RADIL: variants seen among roughly 807,000 people sequenced by gnomAD.
RADIL encodes the protein Rap associating with DIL domain.
Under a neutral mutation model 97.6 loss-of-function variants are expected in RADIL, and 99 were observed. The observed-to-expected ratio is 1.01, with a 90% CI of 0.86 to 1.20. RADIL has a LOEUF of 1.20. Among genes scored for constraint, RADIL ranks in the 50% most tolerant of loss-of-function variants. The pLI is 0.00. For missense variants in RADIL, 1,765 were observed against 1,498.9 expected (o/e 1.18, Z -2.93); for synonymous variants, 803 against 691.8 (o/e 1.16, Z -2.52).
rs562999894 is a variant in RADIL at position 4,821,474 on chromosome 7, G to A, written c.1615+920C>T. On this transcript the variant is annotated intron_variant, in intron 6 of 14. Coordinates refer to ENST00000399583, the MANE Select transcript of RADIL (RefSeq NM_018059.5). This position sits in a 1 kb window ranked among gnomAD's most constrained non-coding sequence, Gnocchi z 5.2. ...AAATCCTACCCCGGCTTCCGGGCCC[G>A]GCCCCATGCCACCTTCCTCTCGAAG... Among the ~76,000 whole-genome samples, 17 of 152,288 alleles carry A rather than the reference G, an allele frequency of 1.1e-4. No individual in the cohort carries two copies. Among genetic ancestry groups the A allele is most frequent in the African/African-American group, 2.9e-4 (12 of 41,564 alleles).
At chr7:4,850,216 TAA>T (rs34276261) in intron 2 of RADIL, among the ~76,000 whole-genome samples, 2,816 of 88,058 alleles carry the variant, frequency 0.032, 129 homozygotes, top group African/African-American at 0.11. Context: ...ACGATCCCTT[TAA>T]AAAAAAAAAA....
rs1783415205 is a variant in RADIL, at chr7:4,840,614, G to C, written c.536-4009C>G. On this transcript the variant is annotated intron_variant, in intron 2 of 14. Coordinates refer to ENST00000399583, the MANE Select transcript of RADIL (RefSeq NM_018059.5). The surrounding 1 kb of genome is among the most constrained non-coding windows in gnomAD (Gnocchi z 5.6). ...ACAGGGTCACCCCAGGGGCCCTTAT[G>C]CTACCAATGGGAGATTCCGCCAACA... 6.6e-6 allele frequency among the ~76,000 whole-genome samples: 1 copy of C among 152,170 alleles called. No homozygotes were observed. Among genetic ancestry groups the C allele is most frequent in the South Asian group, 2.1e-4 (1 of 4,834 alleles).
At chr7:4,868,757 G>A (rs1402252839) in intron 2 of RADIL, among the ~76,000 whole-genome samples, 1 of 152,162 alleles carries the variant, frequency 6.6e-6, no homozygotes, top group Admixed American at 6.5e-5. Context: ...CTTGGTCAAA[G>A]AAAAATTTTG....
At position 4,879,280 on chromosome 7, in the gene RADIL, C is replaced by G. The variant is rs777113334; in HGVS notation, c.-64-1077G>C. On this transcript the variant is annotated intron_variant, in intron 1 of 14. Transcript: ENST00000399583. The surrounding 1 kb of genome is among the most constrained non-coding windows in gnomAD (Gnocchi z 4.1). The stretch of plus-strand genomic sequence containing the variant: ...CACACTTCTAATGTCCGTAGCGTGC[C>G]CAGGGCCAGGAGTTCCAGATGGTTT... Among the ~76,000 whole-genome samples the G allele has an allele frequency of 6.6e-6, 1 of 152,206 alleles. No individual in the cohort carries two copies. Among genetic ancestry groups the G allele is most frequent in the African/African-American group, 2.4e-5 (1 of 41,454 alleles).
intron 2 of RADIL, among the ~76,000 whole-genome samples, chr7:4,855,930 G>C (rs1184470465): frequency 6.6e-6 from 1 of 151,768 alleles, no homozygotes; most frequent in Admixed American, 6.6e-5. Flanking sequence ...CAAGCAGCTA[G>C]GATTACAGGT....
At chr7:4,844,814 G>C (rs968310547) in intron 2 of RADIL, among the ~76,000 whole-genome samples, 1 of 152,064 alleles carries the variant, frequency 6.6e-6, no homozygotes, top group African/African-American at 2.4e-5. Flanking sequence ...ATTCTGCCCA[G>C]GCTGGCCGCA....
rs778894375 is a variant in RADIL, at chr7:4,800,224, C to A, written c.2929G>T (p.Val977Leu). 7 of 1,605,076 alleles carry A rather than the reference C, an allele frequency of 4.4e-6. No individual in the cohort carries two copies. The highest frequency in any genetic ancestry group is 5.9e-6 in the Non-Finnish European group (7 of 1,176,944). The change falls in exon 13 of 15, where the codon GTG becomes TTG. Residue 977 changes from valine (V) to leucine (L), a missense_variant. Physicochemically the swap from Val to Leu is conservative, Grantham distance 32. Transcript: ENST00000399583. ...CCGGAGGGGCCTCGTTCCAGCTCCA[C>A]CGTGAAGACGTAGCAGAAGTCCTCG... ...STEDFCYVFT[V>L]ELERGPSGLG... is the part of the protein sequence containing the mutation.
rs137943646 is a variant in RADIL, at chr7:4,800,233, C to T, written c.2920G>A (p.Val974Ile). 8.2e-4 allele frequency: 1,313 copies of T among 1,601,388 alleles called. 6 individuals carry two copies. In the African/African-American group the frequency reaches 0.015, roughly 18 times the overall value. ...CCTCGTTCCAGCTCCACCGTGAAGA[C>T]GTAGCAGAAGTCCTCGGTGCTGGAG... ...RSSSTEDFCY[V>I]FTVELERGPS... The change falls in exon 13 of 15, where the codon GTC (valine) becomes ATC (isoleucine). Residue 974 changes from valine (V) to isoleucine (I), a missense_variant. Coordinates refer to ENST00000399583, the MANE Select transcript of RADIL (RefSeq NM_018059.5).
intron 2 of RADIL, among the ~76,000 whole-genome samples, chr7:4,875,609 C>T (rs1583329319): frequency 6.6e-6 from 1 of 152,232 alleles, no homozygotes; most frequent in South Asian, 2.1e-4. Flanking sequence ...CCGTGCTCTG[C>T]AGCCCCAAGG....
chr7:4,806,662 G>A (rs568825855), intron 9 of RADIL, among the ~76,000 whole-genome samples: 1 of 152,158 alleles, frequency 6.6e-6, no homozygotes, highest in Non-Finnish European at 1.5e-5. Flanking sequence ...TCAGCTCTCT[G>A]GTTTGTCCTG....
At chr7:4,826,101 G>A (rs1782968207) in intron 5 of RADIL, among the ~76,000 whole-genome samples, 3 of 151,652 alleles carry the variant, frequency 2.0e-5, no homozygotes, top group East Asian at 2.0e-4. Flanking sequence ...CCAGCTACTC[G>A]GGAGGCTGAG....
Position 4,822,453 on chromosome 7 carries a change from A to T in RADIL, c.1556T>A (p.Phe519Tyr), listed in dbSNP as rs1351279552. 1 of 1,612,910 alleles carries T rather than the reference A, an allele frequency of 6.2e-7. No individual in the cohort carries two copies. Among genetic ancestry groups the T allele is most frequent in the Non-Finnish European group, 8.5e-7 (1 of 1,179,992 alleles). The change falls in exon 6 of 15, where the codon TTT becomes TAT. Residue 519 changes from phenylalanine (F) to tyrosine (Y), a missense_variant. Phe to Tyr is a conservative substitution (Grantham distance 22). Coordinates refer to ENST00000399583, the MANE Select transcript of RADIL (RefSeq NM_018059.5). The surrounding 1 kb of genome is among the most constrained non-coding windows in gnomAD (Gnocchi z 5.3). ...GTAGAGTGGGCATTTCTGCTGGATA[A>T]AGTACAGGAGCTCGATGGAGTTAGA... ...WMSNSIELLY[F>Y]IQQKCPLYMQ...
chr7:4,820,377 G>C (rs1324613962), intron 6 of RADIL, among the ~76,000 whole-genome samples: 1 of 152,326 alleles, frequency 6.6e-6, no homozygotes, highest in East Asian at 1.9e-4. Context: ...GGAGACTTAG[G>C]GACCCACAGT....
At chr7:4,860,340 T>C (rs1019790222) in intron 2 of RADIL, 2 of 1,613,926 alleles carry the variant, frequency 1.2e-6, no homozygotes, top group African/African-American at 1.3e-5. Context: ...AGTTCCTTTC[T>C]TCTTAAATGC....
Position 4,822,184 on chromosome 7 carries a change from G to A in RADIL, c.1615+210C>T, listed in dbSNP as rs919573002. Among the ~76,000 whole-genome samples, 1 of 152,158 alleles carries A rather than the reference G, an allele frequency of 6.6e-6. No homozygotes were observed. Among genetic ancestry groups the A allele is most frequent in the Non-Finnish European group, 1.5e-5 (1 of 68,016 alleles). Reference sequence around the variant, plus strand: ...AGACTGAGTGCCAAGGTGCTGTGGGGGGAGGTGCCAGACTGGCCCGTGCCA... The same window carrying A: ...AGACTGAGTGCCAAGGTGCTGTGGGAGGAGGTGCCAGACTGGCCCGTGCCA... On this transcript the variant is annotated intron_variant, in intron 6 of 14. Transcript: ENST00000399583. This position sits in a 1 kb window ranked among gnomAD's most constrained non-coding sequence, Gnocchi z 5.3.
chr7:4,830,881 C>T (rs369904874), intron 5 of RADIL, among the ~76,000 whole-genome samples: 3 of 152,034 alleles, frequency 2.0e-5, no homozygotes, highest in Middle Eastern at 3.2e-3. Context: ...ATTAGCTGGC[C>T]GTGGTGGCGG....
intron 5 of RADIL, among the ~76,000 whole-genome samples, chr7:4,830,743 G>C (rs573290460): frequency 6.6e-6 from 1 of 151,868 alleles, no homozygotes; most frequent in African/African-American, 2.4e-5. Flanking sequence ...GGCTGGGCGC[G>C]GTGGTTCACA....
intron 10 of RADIL, 135 bp downstream of exon 10, chr7:4,805,431 G>C: frequency 8.9e-7 from 1 of 1,124,538 alleles, no homozygotes; most frequent in African/African-American, 1.6e-5. Context: ...CTGGGTGGAG[G>C]CTCCTCCAGG....
rs1229973612 is a variant in RADIL, at chr7:4,837,594, C to A, written c.536-989G>T. ...GCCCACAAATACACATGCACCCACA[C>A]AAAAATGCACACACACATGCACACA... On this transcript the variant is annotated intron_variant, in intron 2 of 14. Coordinates refer to ENST00000399583, the MANE Select transcript of RADIL (RefSeq NM_018059.5). This position sits in a 1 kb window ranked among gnomAD's most constrained non-coding sequence, Gnocchi z 5.6. 1.3e-5 allele frequency among the ~76,000 whole-genome samples: 2 copies of A among 152,122 alleles called. No individual in the cohort carries two copies. The highest frequency in any genetic ancestry group is 4.8e-5 in the African/African-American group (2 of 41,426).
Sources: allele counts gnomAD v4.1 joint callset (sites outside exome capture counted in the v4.1 genomes callset), GRCh38; gene constraint gnomAD v4.1.1; non-coding constraint Gnocchi (gnomAD v3.1); transcripts MANE v1.5; gene names NCBI Gene and HGNC (gene_info 2026-07-23, HGNC 2026-07-21).